Variants in PCDHA2 observed in about 807,000 individuals in gnomAD.
The protein encoded by PCDHA2 is protocadherin alpha 2.
In PCDHA2, 58 loss-of-function variants were observed where a neutral mutation model predicts 66.0. The ratio of observed to expected loss-of-function variants is 0.88; its 90% CI spans 0.71 to 1.09. PCDHA2 has a LOEUF of 1.09. Ranked by LOEUF, PCDHA2 falls within the 50% of genes least tolerant of loss-of-function variation. The probability of loss-of-function intolerance (pLI) is 0.00; values close to 1 mark genes in which losing one functional copy is unlikely to be tolerated. For missense variants in PCDHA2, 1,267 were observed against 1,242.3 expected, an observed-to-expected ratio of 1.02 and a Z score of -0.30; for synonymous variants, 634 against 554.0, an observed-to-expected ratio of 1.14 and a Z score of -2.03.
chr5:140,819,370 A>T (rs2150104034), intron 1 of PCDHA2, among the ~76,000 whole-genome samples: 1 of 152,290 alleles, frequency 6.6e-6, no homozygotes, highest in East Asian at 1.9e-4. Context: ...TTCTTGTGTT[A>T]GTATATTTCT....
At chr5:140,823,513 G>C in intron 1 of PCDHA2, 2 of 1,613,474 alleles carry the variant, frequency 1.2e-6, no homozygotes, top group Non-Finnish European at 1.7e-6. Flanking sequence ...GAGCGAGCTG[G>C]TGCCGAGGTC....
intron 1 of PCDHA2, among the ~76,000 whole-genome samples, chr5:140,941,194 T>TCTTTCTTC (rs781885331): frequency 0.027 from 3,012 of 112,124 alleles, 85 homozygotes; most frequent in African/African-American, 0.068. Flanking sequence ...TCTTTTTTTT[T>TCTTTCTTC]CTTTCTTCCT....
At chr5:140,801,219 G>C (rs782060470) in intron 1 of PCDHA2, 3 of 1,607,608 alleles carry the variant, frequency 1.9e-6, no homozygotes, top group East Asian at 2.2e-5. Context: ...CTGGCGAGAA[G>C]ATCCTGGAGC....
chr5:140,959,254 G>A (rs1318438220), intron 1 of PCDHA2, among the ~76,000 whole-genome samples: 3 of 152,054 alleles, frequency 2.0e-5, no homozygotes, highest in Non-Finnish European at 2.9e-5. Context: ...GTGCATGACT[G>A]TAGTCCCAGC....
intron 1 of PCDHA2, chr5:140,857,210 C>T (rs2044424463): frequency 1.3e-6 from 2 of 1,598,628 alleles, no homozygotes; most frequent in East Asian, 4.5e-5. Flanking sequence ...CACCTGCTCT[C>T]TGACGCCTCA....
chr5:140,836,312 G>T, intron 1 of PCDHA2: 1 of 1,613,712 alleles, frequency 6.2e-7, no homozygotes, highest in Middle Eastern at 1.6e-4. Flanking sequence ...CGGACGCACC[G>T]CGCCACCGCC....
intron 1 of PCDHA2, among the ~76,000 whole-genome samples, chr5:140,918,743 A>T (rs1346660934): frequency 6.6e-6 from 1 of 152,196 alleles, no homozygotes; most frequent in Non-Finnish European, 1.5e-5. Flanking sequence ...CCCTTATAAA[A>T]GAGGCCCAGA....
Position 140,796,577 on chromosome 5 carries a change from G to T in PCDHA2, c.1613G>T (p.Arg538Leu). The T allele has an allele frequency of 6.2e-7, 1 of 1,613,374 alleles. No individual in the cohort carries two copies. The highest frequency in any genetic ancestry group is 8.5e-7 in the Non-Finnish European group (1 of 1,179,886). Residue 538 changes from arginine (R) to leucine (L), a missense_variant, in exon 1 of 4, where the codon CGG becomes CTG. Physicochemically the swap from Arg to Leu is moderately radical, Grantham distance 102 (BLOSUM62 -2). Transcript: ENST00000526136. The stretch of plus-strand genomic sequence containing the variant: ...CTGCTGCAGTTCCAGGTGAGCGCGC[G>T]GGATGCGGGCGTGCCGCCTCTGGGC... ...VELLQFQVSA[R>L]DAGVPPLGSN...
In PCDHA2 at chr5:140,857,966, G is replaced by C. The variant is rs1212933789; in HGVS notation, c.2388+60614G>C. 1.9e-6 allele frequency: 3 copies of C among 1,596,950 alleles called. No individual in the cohort carries two copies. The highest frequency in any genetic ancestry group is 1.1e-5 in the South Asian group (1 of 90,498). ...TACGACGCGCGCTCTGGATGAGACT[G>C]ACTCGCCACGCCAGCGCCTACTGGT... is the stretch of plus-strand genomic sequence containing the variant. On this transcript the variant is annotated intron_variant, in intron 1 of 3. Transcript: ENST00000526136.
At chr5:140,983,585 A>G (rs561693645) in intron 3 of PCDHA2, among the ~76,000 whole-genome samples, 18 of 152,338 alleles carry the variant, frequency 1.2e-4, no homozygotes, top group Non-Finnish European at 2.1e-4. Flanking sequence ...TATTACATCT[A>G]TTCTACATAT....
At chr5:140,835,721 C>T (rs2150243026) in intron 1 of PCDHA2, 10 of 1,613,816 alleles carry the variant, frequency 6.2e-6, no homozygotes, top group Non-Finnish European at 8.5e-6. Context: ...TGGAGGTGGC[C>T]GACGTGAACG....
chr5:140,801,596 T>C (rs1554121556), intron 1 of PCDHA2: 1 of 1,614,148 alleles, frequency 6.2e-7, no homozygotes, highest in Non-Finnish European at 8.5e-7. Flanking sequence ...CGCCAGTTTT[T>C]CCAATGGCTG....
Position 140,841,535 on chromosome 5 carries a change from C to G in PCDHA2, c.2388+44183C>G, listed in dbSNP as rs146057065. ...GTTCCGGGTGGCGTCCAAAAGACAC[C>G]GGGACCTTCTGGAGGTAAGTCTGCA... On this transcript the variant is annotated intron_variant, in intron 1 of 3. Transcript: ENST00000526136. 2.9e-4 allele frequency: 467 copies of G among 1,613,646 alleles called. 2 individuals are homozygous for G. The highest frequency in any genetic ancestry group is 2.5e-4 in the Admixed American group (15 of 60,006).
intron 1 of PCDHA2, among the ~76,000 whole-genome samples, chr5:140,924,409 T>C (rs1554201915): frequency 6.6e-6 from 1 of 152,186 alleles, no homozygotes; most frequent in Non-Finnish European, 1.5e-5. Flanking sequence ...TATATCACAG[T>C]GTGCCCTTTC....
chr5:140,809,057 G>T, intron 1 of PCDHA2: 1 of 1,613,890 alleles, frequency 6.2e-7, no homozygotes, highest in Non-Finnish European at 8.5e-7. Flanking sequence ...CCCGTTCCGC[G>T]TGGGGCTGTA....
intron 1 of PCDHA2, among the ~76,000 whole-genome samples, chr5:140,821,381 C>A (rs1364273553): frequency 6.6e-6 from 1 of 151,994 alleles, no homozygotes; most frequent in Non-Finnish European, 1.5e-5. Flanking sequence ...ATTTTAATGA[C>A]GCACTTATAT....
At chr5:140,822,071 C>G (rs1554128427) in intron 1 of PCDHA2, 1 of 1,614,192 alleles carries the variant, frequency 6.2e-7, no homozygotes, top group Non-Finnish European at 8.5e-7. Flanking sequence ...CGGCGGAGGG[C>G]GGAGTGCAGC....
intron 3 of PCDHA2, among the ~76,000 whole-genome samples, chr5:140,985,428 T>C (rs782337868): frequency 2.0e-5 from 3 of 152,192 alleles, no homozygotes; most frequent in Non-Finnish European, 4.4e-5. Context: ...GGAGGATTTA[T>C]TAGTTGCTGC....
At chr5:140,841,103 G>T in intron 1 of PCDHA2, 2 of 582,476 alleles carry the variant, frequency 3.4e-6, no homozygotes, top group Non-Finnish European at 5.9e-6. Context: ...AGATATTGCG[G>T]AAGTAATTCA....
Sources: gnomAD v4.1 joint callset for allele counts (sites outside exome capture counted in the v4.1 genomes callset) on GRCh38, gnomAD v4.1.1 for gene constraint, MANE v1.5 for transcripts, NCBI Gene and HGNC (gene_info 2026-07-23, HGNC 2026-07-21) for gene names.